The following FEZ1 variants were observed in gnomAD, a reference collection of about 807,000 sequenced individuals.
FEZ1 encodes the protein fasciculation and elongation protein zeta 1, also known as fasciculation and elongation protein zeta-1.
FEZ1 carries 20 observed loss-of-function variants against 49.3 expected under a neutral mutation model. The ratio of observed to expected loss-of-function variants is 0.41; its 90% CI spans 0.29 to 0.59. FEZ1 has a LOEUF of 0.59. Ranked by LOEUF, FEZ1 falls within the 20% of genes least tolerant of loss-of-function variation. FEZ1 has a pLI of 0.36. For synonymous variants in FEZ1, 170 were observed against 180.9 expected (o/e 0.94, Z 0.48); for missense variants, 413 against 476.0 (o/e 0.87, Z 1.23).
At position 125,493,425 on chromosome 11, in the gene FEZ1, GGAAA is replaced by G. The variant is rs1439319531; in HGVS notation, c.-46+2692_-46+2695del. Among the ~76,000 whole-genome samples the G allele has an allele frequency of 3.7e-4, 13 of 35,134 alleles. 1 individual carries two copies. In the South Asian group the frequency reaches 0.012, roughly 31 times the overall value. 23.0% of individuals were successfully genotyped at this position (35,134 alleles called of 152,430 possible). A position where few individuals can be genotyped will look rare whatever the true frequency, so the allele number is the denominator to read the frequency against. On this transcript the variant is annotated intron_variant, in intron 1 of 9. Transcript: ENST00000278919. ...AAGAAAGAAAGAAAGAAAGAAAGAA[GGAAA>G]GAAGGAAAGAAGGAAAGAAGGAAAG...
chr11:125,489,067 G>C lies in FEZ1; in HGVS notation c.311+400C>G, dbSNP rs1333229814. ...AAAAATTCGGGATTTTCAAAATTCT[G>C]GTGTTTCTTGAAGCAAATTAGTCCA... On this transcript the variant is annotated intron_variant, in intron 2 of 9. Coordinates refer to ENST00000278919, the MANE Select transcript of FEZ1 (RefSeq NM_005103.5). The surrounding 1 kb of genome is among the most constrained non-coding windows in gnomAD (Gnocchi z 4.2). 2 of 987,452 alleles carry C rather than the reference G, an allele frequency of 2.0e-6. No homozygotes were observed. The highest frequency in any genetic ancestry group is 2.4e-6 in the Non-Finnish European group (2 of 831,576). The allele number at this position is 987,452 out of a possible 1,614,324, so 61.2% of individuals were successfully genotyped here. A position where few individuals can be genotyped will look rare whatever the true frequency, so the allele number is the denominator to read the frequency against.
At chr11:125,457,192 A>G (rs1957018457) in intron 5 of FEZ1, among the ~76,000 whole-genome samples, 1 of 150,972 alleles carries the variant, frequency 6.6e-6, no homozygotes, top group Non-Finnish European at 1.5e-5. Context: ...ATCTTAAAAT[A>G]AAAATAAATA....
chr11:125,474,275 T>TGG (rs1386662953), intron 3 of FEZ1, among the ~76,000 whole-genome samples: 1 of 150,814 alleles, frequency 6.6e-6, no homozygotes, highest in African/African-American at 2.4e-5. Context: ...GCTGACCTCG[T>TGG]GATCCACCCA....
chr11:125,473,197 T>C (rs534510054), intron 3 of FEZ1, among the ~76,000 whole-genome samples: 3 of 152,232 alleles, frequency 2.0e-5, no homozygotes, highest in South Asian at 2.1e-4. Flanking sequence ...GACACACACA[T>C]ATATATATCA....
chr11:125,472,385 G>C (rs899723406), intron 3 of FEZ1, among the ~76,000 whole-genome samples: 1 of 151,998 alleles, frequency 6.6e-6, no homozygotes, highest in African/African-American at 2.4e-5. Context: ...GGGATGGAGG[G>C]AGAGAGAACA....
intron 3 of FEZ1, among the ~76,000 whole-genome samples, chr11:125,470,505 T>G (rs1373868869): frequency 2.0e-5 from 3 of 152,206 alleles, no homozygotes; most frequent in Non-Finnish European, 4.4e-5. Flanking sequence ...AGATGGCCCC[T>G]TTCAGCCATG....
Position 125,456,616 on chromosome 11 carries a change from T to C in FEZ1, c.668-510A>G, listed in dbSNP as rs182394707. On this transcript the variant is annotated intron_variant, in intron 5 of 9. Transcript: ENST00000278919. ...TTACATCTCTGGTCCTGTGTCGCAGTGCATGTATTCAAAAATATGTGAAAC... is the reference window on the plus strand; with the variant it reads ...TTACATCTCTGGTCCTGTGTCGCAGCGCATGTATTCAAAAATATGTGAAAC... Among the ~76,000 whole-genome samples the C allele has an allele frequency of 1.8e-3, 275 of 152,282 alleles. 6 individuals carry two copies. The highest frequency in any genetic ancestry group is 4.8e-3 in the African/African-American group (200 of 41,546).
intron 1 of FEZ1, among the ~76,000 whole-genome samples, chr11:125,493,534 G>T (rs563191048): frequency 5.2e-4 from 79 of 150,700 alleles, no homozygotes; most frequent in African/African-American, 1.8e-3. Context: ...AAGAAAGAAA[G>T]AAAGAAAGAA....
intron 3 of FEZ1, among the ~76,000 whole-genome samples, chr11:125,480,142 G>C (rs1010853393): frequency 2.6e-5 from 4 of 152,094 alleles, no homozygotes; most frequent in Admixed American, 6.5e-5. Context: ...TTGAGAGTCC[G>C]AGTTGGGTGG....
chr11:125,459,065 C>CA (rs879389728), intron 5 of FEZ1, among the ~76,000 whole-genome samples: 32 of 150,994 alleles, frequency 2.1e-4, no homozygotes, highest in East Asian at 1.9e-3. Context: ...GACTCTGTCT[C>CA]AAAAAAAAGA....
At chr11:125,476,669 C>T (rs1334980576) in intron 3 of FEZ1, among the ~76,000 whole-genome samples, 1 of 152,116 alleles carries the variant, frequency 6.6e-6, no homozygotes, top group Non-Finnish European at 1.5e-5. Context: ...GAGCAGGAAT[C>T]TAAAGATGGA....
rs1336295781 is a variant in FEZ1, at chr11:125,444,977, G to A, written c.*1118C>T. ...AGTACAAGTTTTTGCTTTCAGAGGAGGATATGGGAATTGGCAGGCTCAATG... is the reference window on the plus strand; with the variant it reads ...AGTACAAGTTTTTGCTTTCAGAGGAAGATATGGGAATTGGCAGGCTCAATG... On this transcript the variant is annotated 3_prime_UTR_variant, in exon 10 of 10. Transcript: ENST00000278919. 1.3e-5 allele frequency among the ~76,000 whole-genome samples: 2 copies of A among 152,228 alleles called. No homozygotes were observed. The highest frequency in any genetic ancestry group is 6.5e-5 in the Admixed American group (1 of 15,286).
chr11:125,449,171 A>G (rs1008691138), intron 8 of FEZ1, among the ~76,000 whole-genome samples: 1 of 151,014 alleles, frequency 6.6e-6, no homozygotes, highest in Admixed American at 6.6e-5. Context: ...CCTCCCAAGT[A>G]GCTGAGACTT....
rs145878447 is a variant in FEZ1 at position 125,457,429 on chromosome 11, AATAT to A, written c.668-1327_668-1324del. On this transcript the variant is annotated intron_variant, in intron 5 of 9. Transcript: ENST00000278919. ...AAAAAAAAAAAAAAAAAAAAAAAAA[AATAT>A]ATATATATATATATATATGTATATA... 6.1e-3 allele frequency among the ~76,000 whole-genome samples: 128 copies of A among 20,892 alleles called. 1 individual carries two copies. Among genetic ancestry groups the A allele is most frequent in the Admixed American group, 0.015 (13 of 868 alleles). The allele number at this position is 20,892 out of a possible 152,430, so 13.7% of individuals were successfully genotyped here. A position where few individuals can be genotyped will look rare whatever the true frequency, so the allele number is the denominator to read the frequency against.
chr11:125,465,378 G>A (rs1192766543), intron 3 of FEZ1, among the ~76,000 whole-genome samples: 1 of 152,182 alleles, frequency 6.6e-6, no homozygotes, highest in African/African-American at 2.4e-5. Context: ...GTTCCAGGAA[G>A]AAGGCAGGGA....
chr11:125,480,954 C>G (rs1254093260), intron 3 of FEZ1, among the ~76,000 whole-genome samples: 1 of 151,740 alleles, frequency 6.6e-6, no homozygotes, highest in African/African-American at 2.4e-5. Flanking sequence ...CAGGAGACTC[C>G]CTTGAACCCG....
intron 4 of FEZ1, among the ~76,000 whole-genome samples, chr11:125,461,556 G>A (rs554684641): frequency 8.5e-5 from 13 of 152,168 alleles, no homozygotes; most frequent in African/African-American, 1.2e-4. Flanking sequence ...GCAGTGAACC[G>A]AGACTGGGCC....
At position 125,458,113 on chromosome 11, in the gene FEZ1, G is replaced by A. The variant is rs375550265; in HGVS notation, c.668-2007C>T. 4.1e-4 allele frequency among the ~76,000 whole-genome samples: 62 copies of A among 152,284 alleles called. No homozygotes were observed. In the South Asian group the frequency reaches 7.3e-3, roughly 18 times the overall value. Reference sequence around the variant, plus strand: ...TTCAGCACCGAGCAGACTCTCTGCCGGCCACCTCCTGCCGCTGCTATTCAA... The same window carrying A: ...TTCAGCACCGAGCAGACTCTCTGCCAGCCACCTCCTGCCGCTGCTATTCAA... On this transcript the variant is annotated intron_variant, in intron 5 of 9. Coordinates refer to ENST00000278919, the MANE Select transcript of FEZ1 (RefSeq NM_005103.5).
At position 125,489,820 on chromosome 11, in the gene FEZ1, T is replaced by TA. The variant is rs1957365049; in HGVS notation, c.-44dup. The TA allele has an allele frequency of 6.6e-7, 1 of 1,513,958 alleles. No individual in the cohort carries two copies. The highest frequency in any genetic ancestry group is 2.3e-5 in the Admixed American group (1 of 43,786). The allele number at this position is 1,513,958 out of a possible 1,614,324, so 93.8% of individuals were successfully genotyped here. On this transcript the variant is annotated splice_region_variant and 5_prime_UTR_variant, in exon 2 of 10. Coordinates refer to ENST00000278919, the MANE Select transcript of FEZ1 (RefSeq NM_005103.5). This position sits in a 1 kb window ranked among gnomAD's most constrained non-coding sequence, Gnocchi z 4.2. ...ACAACAGCGACTTTCAGGATGAGTT[T>TA]ATCTAAAAGAAATGAACAGCGTAAT...
Sources: gnomAD v4.1 joint callset for allele counts (sites outside exome capture counted in the v4.1 genomes callset) on GRCh38, gnomAD v4.1.1 for gene constraint, Gnocchi (gnomAD v3.1) non-coding constraint, MANE v1.5 for transcripts, NCBI Gene and HGNC (gene_info 2026-07-23, HGNC 2026-07-21) for gene names.